GPNMB: variants seen among roughly 807,000 people sequenced by gnomAD.
GPNMB encodes transmembrane glycoprotein NMB.
A neutral mutation model predicts 57.3 loss-of-function variants in GPNMB; 71 were observed. The ratio of observed to expected loss-of-function variants is 1.24; its 90% confidence interval spans 1.02 to 1.51. The LOEUF (loss-of-function observed/expected upper bound fraction) is 1.51. Ranked by LOEUF, GPNMB falls within the 40% of genes most tolerant of loss-of-function variation. GPNMB has a pLI of 0.00. For missense variants in GPNMB, 677 were observed against 691.9 expected (o/e 0.98, Z 0.24); for synonymous variants, 253 against 263.2 (o/e 0.96, Z 0.38).
rs777709117 is a variant in GPNMB, at chr7:23,246,802, G to C, written c.-56G>C. On this transcript the variant is annotated 5_prime_UTR_variant, in exon 1 of 11. Transcript: ENST00000258733. ...AAGAACACTGTTGCTCTTGGTGGAC[G>C]GGCCCAGAGGAATTCAGAGTTAAAC... 9.4e-6 allele frequency: 12 copies of C among 1,273,998 alleles called. No homozygotes were observed. The highest frequency in any genetic ancestry group is 1.1e-5 in the Non-Finnish European group (10 of 870,170). The allele number at this position is 1,273,998 out of a possible 1,614,324, so 78.9% of individuals were successfully genotyped here. A position where few individuals can be genotyped will look rare whatever the true frequency, so the allele number is the denominator to read the frequency against.
intron 3 of GPNMB, 112 bp downstream of exon 3, chr7:23,254,424 C>A: frequency 1.2e-6 from 1 of 812,930 alleles, no homozygotes; most frequent in South Asian, 1.7e-5. Context: ...CACTGCACTC[C>A]ATGAGCTGGA....
rs767688556 is a variant in GPNMB, at chr7:23,260,113, A to C, written c.675A>C (p.Gln225His). The C allele has an allele frequency of 2.5e-6, 4 of 1,614,000 alleles. No individual in the cohort carries two copies. Among genetic ancestry groups the C allele is most frequent in the Non-Finnish European group, 3.4e-6 (4 of 1,179,876 alleles). ...RHGRAYVPIAQVKDVYVVTDQ... is the reference protein window; with the variant it reads ...RHGRAYVPIAHVKDVYVVTDQ... ...GACGGGCATATGTTCCCATCGCACAAGTGAAAGATGTGTACGTGGTAACAG... is the reference window on the plus strand; with the variant it reads ...GACGGGCATATGTTCCCATCGCACACGTGAAAGATGTGTACGTGGTAACAG... Residue 225 changes from glutamine to histidine, a missense_variant, in exon 5 of 11, where the codon CAA becomes CAC. Transcript: ENST00000258733.
At position 23,260,029 on chromosome 7, in the gene GPNMB, C is replaced by G. The variant is rs17147995; in HGVS notation, c.591C>G (p.Asn197Lys). Residue 197 changes from asparagine (N) to lysine (K), a missense_variant, in exon 5 of 11, where the codon AAC becomes AAG. By Grantham distance (94) the Asn-to-Lys change is moderately conservative. Coordinates refer to ENST00000258733, the MANE Select transcript of GPNMB (RefSeq NM_002510.3). ...GATGTTCAGTGAGAGTTTCTGTGAACACAGCCAATGTGACACTTGGGCCTC... is the reference window on the plus strand; with the variant it reads ...GATGTTCAGTGAGAGTTTCTGTGAAGACAGCCAATGTGACACTTGGGCCTC... ...LGRCSVRVSVNTANVTLGPQL... is the reference protein window; with the variant it reads ...LGRCSVRVSVKTANVTLGPQL... The G allele has an allele frequency of 3.8e-3, 6,177 of 1,614,046 alleles. 16 individuals carry two copies. Among genetic ancestry groups the G allele is most frequent in the Non-Finnish European group, 4.9e-3 (5,736 of 1,179,930 alleles).
At position 23,256,913 on chromosome 7, in the gene GPNMB, C is replaced by T. The variant is rs764851389; in HGVS notation, c.389C>T (p.Pro130Leu). ...CRNEAGLSAD[P>L]YVYNWTAWSE... ...TTAGAGGCTGGTTTATCTGCTGATC[C>T]GTATGTTTACAACTGGACAGCATGG... Residue 130 changes from proline to leucine, a missense_variant, in exon 4 of 11, where the codon CCG becomes CTG. By Grantham distance (98) the Pro-to-Leu change is moderately conservative. Coordinates refer to ENST00000258733, the MANE Select transcript of GPNMB (RefSeq NM_002510.3). 26 of 1,613,972 alleles carry T rather than the reference C, an allele frequency of 1.6e-5. No homozygotes were observed. Among genetic ancestry groups the T allele is most frequent in the Admixed American group, 1.2e-4 (7 of 59,994 alleles).
chr7:23,261,165 C>G (rs1782913355), intron 6 of GPNMB, among the ~76,000 whole-genome samples: 1 of 152,096 alleles, frequency 6.6e-6, no homozygotes, highest in African/African-American at 2.4e-5. Context: ...GTTCCTTCCT[C>G]TCCCCCACTA....
chr7:23,266,727 G>A (rs536024985), intron 7 of GPNMB, 112 bp downstream of exon 7: 66 of 844,040 alleles, frequency 7.8e-5, no homozygotes, highest in African/African-American at 7.2e-4. Flanking sequence ...GCACCCCTCT[G>A]CTTGTCTAAG....
chr7:23,274,110 G>A lies in GPNMB; in HGVS notation c.1569G>A (p.Val523=). ...YNPIENSPGN[V]VRSKGLSVFL... Reference sequence around the variant, plus strand: ...CAATAGAAAATAGTCCTGGGAATGTGGTCAGAAGCAAAGGCCTGAGTGTCT... The same window carrying A: ...CAATAGAAAATAGTCCTGGGAATGTAGTCAGAAGCAAAGGCCTGAGTGTCT... Residue 523 remains valine, a synonymous_variant, in exon 11 of 11, where the codon GTG becomes GTA. Transcript: ENST00000258733. The A allele has an allele frequency of 6.2e-7, 1 of 1,612,872 alleles. No homozygotes were observed. Among genetic ancestry groups the A allele is most frequent in the South Asian group, 1.1e-5 (1 of 91,034 alleles).
At chr7:23,268,080 GTTGATTTGAATTCCTA>G (rs543852109) in intron 8 of GPNMB, 92 bp downstream of exon 8, 60 of 781,846 alleles carry the variant, frequency 7.7e-5, no homozygotes, top group African/African-American at 6.7e-4. Context: ...CCCCTTTTAA[GTTGATTTGAATTCCTA>G]TTGATTTGAA....
chr7:23,260,335 A>G, intron 5 of GPNMB, 121 bp from the exon 6 acceptor site: 1 of 1,057,266 alleles, frequency 9.5e-7, no homozygotes, highest in Non-Finnish European at 1.4e-6. Flanking sequence ...GCATGTGAAA[A>G]GGAAAATAAT....
In GPNMB at chr7:23,257,395, G is replaced by A. The variant is rs1041096601; in HGVS notation, c.541+330G>A. ...TTTATTTGAATGGCACATGGAGACCGGGCATGTGGCTCACACTTGTAATCC... is the reference window on the plus strand; with the variant it reads ...TTTATTTGAATGGCACATGGAGACCAGGCATGTGGCTCACACTTGTAATCC... On this transcript the variant is annotated intron_variant, in intron 4 of 10. Coordinates refer to ENST00000258733, the MANE Select transcript of GPNMB (RefSeq NM_002510.3). 5.3e-5 allele frequency: 25 copies of A among 476,168 alleles called. No individual in the cohort carries two copies. The East Asian group carries it at 6.5e-4, about 12-fold the overall frequency. 29.5% of individuals were successfully genotyped at this position (476,168 alleles called of 1,614,324 possible).
rs547444184 is a variant in GPNMB, at chr7:23,268,497, A to G, written c.1220+509A>G. Among the ~76,000 whole-genome samples, 5 of 152,330 alleles carry G rather than the reference A, an allele frequency of 3.3e-5. No homozygotes were observed. In the East Asian group the frequency reaches 7.7e-4, roughly 23 times the overall value. On this transcript the variant is annotated intron_variant, in intron 8 of 10. Coordinates refer to ENST00000258733, the MANE Select transcript of GPNMB (RefSeq NM_002510.3). ...TTTAGAATTTACAAAGCTCTTTCCA[A>G]TGCATTATATAATTTGGTTTCCTAT...
chr7:23,268,025 C>T (rs1783112170), intron 8 of GPNMB, 37 bp downstream of exon 8: 2 of 1,057,724 alleles, frequency 1.9e-6, no homozygotes, highest in Non-Finnish European at 2.9e-6. Flanking sequence ...ATGGGTGGGT[C>T]AACTGAGGAC....
chr7:23,251,507 G>A (rs1410561279), intron 1 of GPNMB, among the ~76,000 whole-genome samples: 4 of 152,204 alleles, frequency 2.6e-5, no homozygotes, highest in Admixed American at 6.5e-5. Context: ...AGTCAGTCCC[G>A]AGGTAAGCAA....
At chr7:23,252,245 A>G (rs774128069) in intron 1 of GPNMB, among the ~76,000 whole-genome samples, 2 of 152,240 alleles carry the variant, frequency 1.3e-5, no homozygotes, top group Non-Finnish European at 2.9e-5. Context: ...CATCATATTG[A>G]TCATTACATT....
intron 6 of GPNMB, chr7:23,266,115 A>AT (rs1400031023): frequency 6.2e-6 from 1 of 160,992 alleles, no homozygotes; most frequent in African/African-American, 2.4e-5. Flanking sequence ...CACCTGGCTA[A>AT]TTTTTTGTAT....
chr7:23,265,040 G>C (rs1423743903), intron 6 of GPNMB, among the ~76,000 whole-genome samples: 1 of 152,202 alleles, frequency 6.6e-6, no homozygotes, highest in Non-Finnish European at 1.5e-5. Flanking sequence ...ACATTCCCAA[G>C]AGGCTGCCAC....
Position 23,274,502 on chromosome 7 carries a change from A to G in GPNMB, c.*278A>G, listed in dbSNP as rs1783290299. 3.7e-6 allele frequency: 1 copy of G among 268,466 alleles called. No individual in the cohort carries two copies. The highest frequency in any genetic ancestry group is 6.1e-5 in the South Asian group (1 of 16,392). 16.6% of individuals were successfully genotyped at this position (268,466 alleles called of 1,614,324 possible). A position where few individuals can be genotyped will look rare whatever the true frequency, so the allele number is the denominator to read the frequency against. ...TATAAAGTCTTAGGTAACTAGTAGGATAGAAACACTGTGTCCCGAGAGTAA... is the reference window on the plus strand; with the variant it reads ...TATAAAGTCTTAGGTAACTAGTAGGGTAGAAACACTGTGTCCCGAGAGTAA... On this transcript the variant is annotated 3_prime_UTR_variant, in exon 11 of 11. Transcript: ENST00000258733.
chr7:23,262,754 G>C (rs758884522), intron 6 of GPNMB, among the ~76,000 whole-genome samples: 11 of 151,280 alleles, frequency 7.3e-5, no homozygotes, highest in Non-Finnish European at 1.6e-4. Context: ...AAGTGGCTGT[G>C]GCTACAGGCA....
chr7:23,265,376 T>C (rs1051856871), intron 6 of GPNMB, among the ~76,000 whole-genome samples: 1 of 152,224 alleles, frequency 6.6e-6, no homozygotes, highest in South Asian at 2.1e-4. Flanking sequence ...AAAAAGAAGA[T>C]TGTATTTTCA....
Sources: gnomAD v4.1 joint callset for allele counts (sites outside exome capture counted in the v4.1 genomes callset) on GRCh38, gnomAD v4.1.1 for gene constraint, MANE v1.5 for transcripts, NCBI Gene and HGNC (gene_info 2026-07-23, HGNC 2026-07-21) for gene names.